The following DEPDC1B variants were observed in gnomAD, a reference collection of about 807,000 sequenced individuals.
The protein encoded by DEPDC1B is DEP domain containing 1B, also known as DEP domain-containing protein 1B.
In DEPDC1B, 51 loss-of-function variants were observed where a neutral mutation model predicts 66.5. That is an observed-to-expected ratio of 0.77 (90% confidence interval 0.61 to 0.97). DEPDC1B has a LOEUF of 0.97. Ranked by LOEUF, DEPDC1B falls within the 50% of genes least tolerant of loss-of-function variation. DEPDC1B has a pLI of 0.00. For synonymous variants in DEPDC1B, 226 were observed against 223.6 expected, an observed-to-expected ratio of 1.01 and a Z score of -0.10; for missense variants, 552 against 637.1, an observed-to-expected ratio of 0.87 and a Z score of 1.44.
intron 6 of DEPDC1B, among the ~76,000 whole-genome samples, chr5:60,640,979 CATAA>C (rs1753176945): frequency 6.6e-6 from 1 of 152,184 alleles, no homozygotes; most frequent in South Asian, 2.1e-4. Context: ...TTGTTTGACA[CATAA>C]ATAAACATCT....
chr5:60,599,340 G>T, intron 9 of DEPDC1B, 80 bp from the exon 10 acceptor site: 1 of 1,150,494 alleles, frequency 8.7e-7, no homozygotes, highest in Non-Finnish European at 1.2e-6. Flanking sequence ...TCAAATACAG[G>T]ATATCTCCTT....
chr5:60,610,565 T>A (rs1459897292), intron 7 of DEPDC1B, among the ~76,000 whole-genome samples: 1 of 152,206 alleles, frequency 6.6e-6, no homozygotes, highest in Non-Finnish European at 1.5e-5. Flanking sequence ...CACAAGCATA[T>A]TATTGAATAA....
chr5:60,599,274 A>G lies in DEPDC1B; in HGVS notation c.1243-14T>C, dbSNP rs1752156735. On this transcript the variant is annotated splice_polypyrimidine_tract_variant and intron_variant, in intron 9 of 10. Transcript: ENST00000265036. ...TGGGTATTTTATCTGAGGCAAAAGG[A>G]TTAGTAGTGAAAGAATATAGCATAT... The G allele has an allele frequency of 6.4e-7, 1 of 1,567,248 alleles. No homozygotes were observed. The highest frequency in any genetic ancestry group is 1.4e-5 in the African/African-American group (1 of 72,412).
intron 7 of DEPDC1B, among the ~76,000 whole-genome samples, chr5:60,616,145 T>A (rs1752548924): frequency 6.6e-6 from 1 of 152,030 alleles, no homozygotes; most frequent in African/African-American, 2.4e-5. Flanking sequence ...CATCTGTACG[T>A]CACCATCATC....
intron 7 of DEPDC1B, among the ~76,000 whole-genome samples, chr5:60,617,478 G>A (rs1752587493): frequency 6.6e-6 from 1 of 151,988 alleles, no homozygotes; most frequent in Non-Finnish European, 1.5e-5. Context: ...ATAAGGCAGG[G>A]GTTGCAATCC....
At chr5:60,670,266 C>T (rs1243595879) in intron 2 of DEPDC1B, among the ~76,000 whole-genome samples, 2 of 152,156 alleles carry the variant, frequency 1.3e-5, no homozygotes, top group Non-Finnish European at 2.9e-5. Flanking sequence ...CGCCTGTAGT[C>T]CCAGCTACTA....
At chr5:60,636,890 T>TA (rs1467252185) in intron 7 of DEPDC1B, among the ~76,000 whole-genome samples, 1 of 152,094 alleles carries the variant, frequency 6.6e-6, no homozygotes, top group East Asian at 1.9e-4. Flanking sequence ...GATGATATAT[T>TA]AGAGGGCAGC....
chr5:60,661,459 G>A (rs905480687), intron 2 of DEPDC1B, among the ~76,000 whole-genome samples: 4 of 152,254 alleles, frequency 2.6e-5, no homozygotes, highest in East Asian at 1.9e-4. Context: ...TTTTTCAGAC[G>A]GGAAACGTTC....
At chr5:60,621,478 G>C (rs1338860931) in intron 7 of DEPDC1B, among the ~76,000 whole-genome samples, 1 of 151,786 alleles carries the variant, frequency 6.6e-6, no homozygotes, top group Middle Eastern at 3.4e-3. Flanking sequence ...CTCACTCATT[G>C]AACAATGAGA....
rs1175867158 is a variant in DEPDC1B, at chr5:60,661,275, A to G, written c.315-13742T>C. Among the ~76,000 whole-genome samples the G allele has an allele frequency of 3.3e-5, 5 of 152,176 alleles. No individual in the cohort carries two copies. The East Asian group carries it at 9.6e-4, about 29-fold the overall frequency. ...CTGGAACCCTTTCTTTGTGGTCAAGAAAAGCAGGAAAAGGGGTGCAGGACT... is the reference window on the plus strand; with the variant it reads ...CTGGAACCCTTTCTTTGTGGTCAAGGAAAGCAGGAAAAGGGGTGCAGGACT... On this transcript the variant is annotated intron_variant, in intron 2 of 10. Coordinates refer to ENST00000265036, the MANE Select transcript of DEPDC1B (RefSeq NM_018369.3).
intron 7 of DEPDC1B, among the ~76,000 whole-genome samples, chr5:60,613,808 G>T (rs940884875): frequency 4.4e-5 from 5 of 114,776 alleles, no homozygotes; most frequent in Non-Finnish European, 9.2e-5. Context: ...GTGTGTGTGT[G>T]TGTGTGTGTG....
chr5:60,644,636 G>C (rs1228859728), intron 5 of DEPDC1B, 109 bp downstream of exon 5: 1 of 881,146 alleles, frequency 1.1e-6, no homozygotes, highest in African/African-American at 1.8e-5. Flanking sequence ...TATACGTAAT[G>C]AAGGAACAAA....
chr5:60,634,487 A>G (rs1049291461), intron 7 of DEPDC1B, among the ~76,000 whole-genome samples: 51 of 151,966 alleles, frequency 3.4e-4, no homozygotes, highest in Middle Eastern at 3.4e-3. Flanking sequence ...CCTGGCTAAC[A>G]CGGTGAAACC....
At chr5:60,691,622 TAAGAAA>T (rs1361318400) in intron 1 of DEPDC1B, among the ~76,000 whole-genome samples, 1 of 149,386 alleles carries the variant, frequency 6.7e-6, no homozygotes, top group African/African-American at 2.5e-5. Context: ...AAAAAATCAA[TAAGAAA>T]AAGACATTCC....
chr5:60,644,843 TC>T lies in DEPDC1B; in HGVS notation c.610del (p.Glu204LysfsTer4). On this transcript the variant is annotated frameshift_variant, in exon 5 of 11. Transcript: ENST00000265036. LOFTEE classifies it high-confidence loss of function. ...LQKILGLDSL[E>X]EVLDVKLVNS... ...GACAAGTTTGACGTCTAAAACTTCT[TC>T]TAAGGAATCCAGGCCAAGAATTTTC... 1 of 1,609,958 alleles carries T rather than the reference TC, an allele frequency of 6.2e-7. No homozygotes were observed. The highest frequency in any genetic ancestry group is 8.5e-7 in the Non-Finnish European group (1 of 1,177,658).
chr5:60,641,816 G>A (rs1030918790), intron 6 of DEPDC1B, among the ~76,000 whole-genome samples: 8 of 152,228 alleles, frequency 5.3e-5, no homozygotes, highest in African/African-American at 1.4e-4. Flanking sequence ...CATCTCAGAG[G>A]CTCCAAATTT....
intron 7 of DEPDC1B, among the ~76,000 whole-genome samples, chr5:60,636,843 C>A (rs1753054606): frequency 6.6e-6 from 1 of 152,102 alleles, no homozygotes; most frequent in South Asian, 2.1e-4. Flanking sequence ...TAAATTCCCC[C>A]AATCTGCCCA....
intron 7 of DEPDC1B, among the ~76,000 whole-genome samples, chr5:60,615,923 G>A (rs535166590): frequency 4.6e-4 from 70 of 152,252 alleles, no homozygotes; most frequent in East Asian, 1.9e-4. Context: ...TCACATGGCC[G>A]GGTACTCCTC....
intron 2 of DEPDC1B, among the ~76,000 whole-genome samples, chr5:60,681,190 G>GC (rs1248389184): frequency 6.6e-6 from 1 of 151,840 alleles, no homozygotes; most frequent in Non-Finnish European, 1.5e-5. Flanking sequence ...GCCCACCCAG[G>GC]CCCCCCACCA....
Sources: allele counts gnomAD v4.1 joint callset (sites outside exome capture counted in the v4.1 genomes callset), GRCh38; gene constraint gnomAD v4.1.1; transcripts MANE v1.5; gene names NCBI Gene and HGNC (gene_info 2026-07-23, HGNC 2026-07-21).